IKZF1: variants seen among roughly 807,000 people sequenced by gnomAD.
The protein encoded by IKZF1 is DNA-binding protein Ikaros.
In IKZF1, 10 loss-of-function variants were observed where a neutral mutation model predicts 51.7. The ratio of observed to expected loss-of-function variants is 0.19; its 90% CI spans 0.12 to 0.33. The LOEUF (loss-of-function observed/expected upper bound fraction) is 0.33, where lower values mean the gene tolerates loss of function less well. IKZF1 is among the 10% of genes least tolerant of loss of function. IKZF1 has a pLI of 1.00. For missense variants in IKZF1, 484 were observed against 707.5 expected (o/e 0.68, Z 3.58); for synonymous variants, 280 against 282.3 (o/e 0.99, Z 0.08).
chr7:50,346,810 A>G (rs1267991844), intron 3 of IKZF1, among the ~76,000 whole-genome samples: 1 of 152,250 alleles, frequency 6.6e-6, no homozygotes, highest in East Asian at 1.9e-4. Flanking sequence ...AGCATGGCAT[A>G]TTAAACTCAT....
intron 6 of IKZF1, among the ~76,000 whole-genome samples, chr7:50,390,062 G>A (rs1326929434): frequency 1.3e-5 from 2 of 152,178 alleles, no homozygotes; most frequent in Non-Finnish European, 2.9e-5. Flanking sequence ...ATGTCTTTAT[G>A]GAAAAAATAA....
rs749767946 is a variant in IKZF1 at position 50,400,071 on chromosome 7, C to T, written c.1004C>T (p.Pro335Leu). 6 of 1,588,226 alleles carry T rather than the reference C, an allele frequency of 3.8e-6. No homozygotes were observed. The highest frequency in any genetic ancestry group is 3.6e-5 in the Admixed American group (2 of 55,382). The change falls in exon 8 of 8, where the codon CCG (proline) becomes CTG (leucine). Residue 335 changes from proline (P) to leucine (L), a missense_variant. By Grantham distance (98) the Pro-to-Leu change is moderately conservative. Coordinates refer to ENST00000331340, the MANE Select transcript of IKZF1 (RefSeq NM_006060.6). The surrounding 1 kb of genome is among the most constrained non-coding windows in gnomAD (Gnocchi z 5.4). ...ESLRPLVQTP[P>L]GGSEVVPVIS... The stretch of plus-strand genomic sequence containing the variant: ...CTGCGCCCGCTGGTGCAGACGCCCC[C>T]GGGCGGTTCCGAGGTGGTCCCGGTC...
intron 3 of IKZF1, among the ~76,000 whole-genome samples, chr7:50,332,284 C>T (rs1409384025): frequency 6.6e-6 from 1 of 152,206 alleles, no homozygotes; most frequent in East Asian, 1.9e-4. Flanking sequence ...TTCAGTAATC[C>T]TTGCATTTTT....
At chr7:50,362,431 T>C (rs1193006296) in intron 3 of IKZF1, among the ~76,000 whole-genome samples, 4 of 152,252 alleles carry the variant, frequency 2.6e-5, no homozygotes, top group Non-Finnish European at 5.9e-5. Flanking sequence ...TCACCTTCAG[T>C]GGACTTGCAA....
At chr7:50,383,219 A>G (rs1453664164) in intron 5 of IKZF1, among the ~76,000 whole-genome samples, 2 of 152,122 alleles carry the variant, frequency 1.3e-5, no homozygotes, top group African/African-American at 2.4e-5. Flanking sequence ...TCACACCAAA[A>G]ACCAGCCAAG....
chr7:50,305,303 T>G (rs1044266578), intron 1 of IKZF1, among the ~76,000 whole-genome samples: 1 of 152,224 alleles, frequency 6.6e-6, no homozygotes. Flanking sequence ...ACTATAAATA[T>G]GATGAGATCG....
chr7:50,304,670 T>C (rs1300678597), upstream of IKZF1: 1 of 151,728 alleles, frequency 6.6e-6, no homozygotes, highest in Non-Finnish European at 1.5e-5. Context: ...CAGGAAGTCA[T>C]TGTGAAAGAA....
intron 3 of IKZF1, among the ~76,000 whole-genome samples, chr7:50,338,567 GTTA>G (rs1798328736): frequency 6.6e-6 from 1 of 152,212 alleles, no homozygotes; most frequent in Non-Finnish European, 1.5e-5. Context: ...CCCCTATCTG[GTTA>G]GGGCATTTTC....
intron 6 of IKZF1, among the ~76,000 whole-genome samples, chr7:50,390,930 A>C (rs1433707412): frequency 1.3e-5 from 2 of 152,236 alleles, no homozygotes; most frequent in Non-Finnish European, 2.9e-5. Flanking sequence ...AGAATTGATC[A>C]GGCATTTAAG....
intron 3 of IKZF1, among the ~76,000 whole-genome samples, chr7:50,345,162 G>T (rs908319175): frequency 9.2e-5 from 14 of 151,852 alleles, no homozygotes; most frequent in African/African-American, 3.1e-4. Context: ...CTGAATTGAC[G>T]GCATCCAGGG....
Position 50,401,427 on chromosome 7 carries a change from G to T in IKZF1, c.*800G>T, listed in dbSNP as rs1446348323. On this transcript the variant is annotated 3_prime_UTR_variant, in exon 8 of 8. Coordinates refer to ENST00000331340, the MANE Select transcript of IKZF1 (RefSeq NM_006060.6). ...GTCTTCCCGTGGGCATATCTGGGGA[G>T]CCCTGTTCCCCGCTTTTTCACTCCC... 1 of 226,290 alleles carries T rather than the reference G, an allele frequency of 4.4e-6. No individual in the cohort carries two copies. Among genetic ancestry groups the T allele is most frequent in the Non-Finnish European group, 8.8e-6 (1 of 113,640 alleles). 14.0% of individuals were successfully genotyped at this position (226,290 alleles called of 1,614,324 possible).
intron 1 of IKZF1, among the ~76,000 whole-genome samples, chr7:50,305,134 G>A (rs1197657305): frequency 6.6e-6 from 1 of 152,166 alleles, no homozygotes; most frequent in Non-Finnish European, 1.5e-5. Context: ...AGGCCGACAT[G>A]GGACACTTCT....
At chr7:50,353,209 A>G (rs1802320484) in intron 3 of IKZF1, among the ~76,000 whole-genome samples, 1 of 152,222 alleles carries the variant, frequency 6.6e-6, no homozygotes, top group South Asian at 2.1e-4. Flanking sequence ...CCTTCCACCA[A>G]CATTCAGCAG....
At chr7:50,355,401 C>T (rs77307589) in intron 3 of IKZF1, among the ~76,000 whole-genome samples, 2,607 of 152,194 alleles carry the variant, frequency 0.017, 66 homozygotes, top group African/African-American at 0.058. Context: ...GTTGGGGTAC[C>T]GGCCAACGCC....
At chr7:50,313,006 A>G (rs2153346182) in intron 1 of IKZF1, among the ~76,000 whole-genome samples, 1 of 152,358 alleles carries the variant, frequency 6.6e-6, no homozygotes, top group South Asian at 2.1e-4. Context: ...ATGAAATAAG[A>G]GTGCTCGGAA....
chr7:50,391,465 T>C (rs1217285885), intron 6 of IKZF1, among the ~76,000 whole-genome samples: 1 of 152,194 alleles, frequency 6.6e-6, no homozygotes, highest in East Asian at 1.9e-4. Context: ...CTGGTGATGG[T>C]GGTGGTGCCT....
chr7:50,326,984 G>A (rs1795190277), intron 2 of IKZF1, among the ~76,000 whole-genome samples: 1 of 152,230 alleles, frequency 6.6e-6, no homozygotes, highest in South Asian at 2.1e-4. Flanking sequence ...ATTGACAGGA[G>A]GGTGTGGTGT....
intron 5 of IKZF1, among the ~76,000 whole-genome samples, chr7:50,384,802 T>C (rs1490397508): frequency 6.6e-6 from 1 of 152,220 alleles, no homozygotes. Flanking sequence ...CAATATTGCC[T>C]TGGGTTAGTG....
chr7:50,338,017 A>G (rs1340332142), intron 3 of IKZF1, among the ~76,000 whole-genome samples: 1 of 152,194 alleles, frequency 6.6e-6, no homozygotes, highest in Admixed American at 6.5e-5. Context: ...TCAGAAGGGC[A>G]ATCTTTGGCA....
Sources: gnomAD v4.1 joint callset for allele counts (sites outside exome capture counted in the v4.1 genomes callset) on GRCh38, gnomAD v4.1.1 for gene constraint, Gnocchi (gnomAD v3.1) non-coding constraint, MANE v1.5 for transcripts, NCBI Gene and HGNC (gene_info 2026-07-23, HGNC 2026-07-21) for gene names.